PCDHA5: variants seen among roughly 807,000 people sequenced by gnomAD.
PCDHA5 encodes the protein protocadherin alpha-5.
In PCDHA5, 43 loss-of-function variants were observed where a neutral mutation model predicts 61.6. That is an observed-to-expected ratio of 0.70 (90% CI 0.55 to 0.90). The LOEUF (loss-of-function observed/expected upper bound fraction) is 0.90, where lower values mean the gene tolerates loss of function less well. PCDHA5 is among the 40% of genes least tolerant of loss of function. The pLI is 0.00. For missense variants in PCDHA5, 1,298 were observed against 1,222.7 expected (o/e 1.06, Z -0.92); for synonymous variants, 627 against 543.9 (o/e 1.15, Z -2.13).
chr5:140,841,942 G>A (rs782585839), intron 1 of PCDHA5: 15 of 1,613,920 alleles, frequency 9.3e-6, no homozygotes, highest in East Asian at 2.2e-5. Context: ...ACGCTCCTGC[G>A]CACCACTTAT....
Position 140,828,892 on chromosome 5 carries a change from T to C in PCDHA5, c.2352+4765T>C, listed in dbSNP as rs2150160259. ...CAACAGTTATCAGACTGAATGCTTC[T>C]GATCGGGATGAAGGAGCGAATGGGG... is the stretch of plus-strand genomic sequence containing the variant. On this transcript the variant is annotated intron_variant, in intron 1 of 3. Coordinates refer to ENST00000529859, the MANE Select transcript of PCDHA5 (RefSeq NM_018908.3). The C allele has an allele frequency of 1.9e-6, 3 of 1,614,124 alleles. No homozygotes were observed. In the South Asian group the frequency reaches 3.3e-5, roughly 18 times the overall value.
intron 1 of PCDHA5, among the ~76,000 whole-genome samples, chr5:140,905,413 A>T (rs2071819141): frequency 6.6e-6 from 1 of 152,180 alleles, no homozygotes; most frequent in South Asian, 2.1e-4. Flanking sequence ...TTATACCAGT[A>T]CCATGCTGGT....
intron 1 of PCDHA5, among the ~76,000 whole-genome samples, chr5:140,914,843 A>G (rs1269507537): frequency 6.6e-6 from 1 of 152,142 alleles, no homozygotes; most frequent in Non-Finnish European, 1.5e-5. Context: ...CAAACACACA[A>G]AAGGAAGACT....
At position 140,849,556 on chromosome 5, in the gene PCDHA5, C is replaced by G. The variant is rs2150440514; in HGVS notation, c.2352+25429C>G. On this transcript the variant is annotated intron_variant, in intron 1 of 3. Coordinates refer to ENST00000529859, the MANE Select transcript of PCDHA5 (RefSeq NM_018908.3). ...AATGCTCCACAGTTGACTATCAAAA[C>G]GCTCTCGGTTCCTGTAAAAGAGGAC... 3.1e-6 allele frequency: 5 copies of G among 1,598,518 alleles called. 1 individual carries two copies. In the Middle Eastern group the frequency reaches 5.0e-4, roughly 160 times the overall value.
intron 1 of PCDHA5, chr5:140,884,171 C>T (rs781800470): frequency 6.2e-7 from 1 of 1,613,414 alleles, no homozygotes; most frequent in Admixed American, 1.7e-5. Context: ...CAGCACGACG[C>T]GCCCTCTGGA....
chr5:140,977,122 AG>A (rs2096747423), intron 1 of PCDHA5, among the ~76,000 whole-genome samples: 1 of 152,226 alleles, frequency 6.6e-6, no homozygotes, highest in South Asian at 2.1e-4. Flanking sequence ...TAATGAACTG[AG>A]TTTCCTGGTC....
intron 1 of PCDHA5, chr5:140,876,781 G>A: frequency 6.2e-7 from 1 of 1,614,240 alleles, no homozygotes; most frequent in Non-Finnish European, 8.5e-7. Flanking sequence ...TTCGCTGTGG[G>A]CCACGGCTAG....
At chr5:140,850,016 C>T (rs2150463409) in intron 1 of PCDHA5, 1 of 1,596,912 alleles carries the variant, frequency 6.3e-7, no homozygotes, top group Non-Finnish European at 8.6e-7. Context: ...TGTCGAGCTA[C>T]GTGTCAGTGC....
chr5:140,870,825 C>T, intron 1 of PCDHA5: 1 of 1,613,726 alleles, frequency 6.2e-7, no homozygotes, highest in Non-Finnish European at 8.5e-7. Flanking sequence ...GCGCGGGAGG[C>T]GCAGTTAACA....
chr5:140,962,008 C>T (rs1363169601), intron 1 of PCDHA5, among the ~76,000 whole-genome samples: 5 of 152,088 alleles, frequency 3.3e-5, no homozygotes, highest in South Asian at 2.1e-4. Context: ...CTCAGCTTCC[C>T]GAGTAGCTGG....
Position 140,925,879 on chromosome 5 carries a change from C to A in PCDHA5, c.2353-53070C>A, listed in dbSNP as rs138501139. Reference sequence around the variant, plus strand: ...GTTATTGCTATTGACTGGTTTATAACCTCCTCTTTCACCCAGATCGTCAAG... The same window carrying A: ...GTTATTGCTATTGACTGGTTTATAAACTCCTCTTTCACCCAGATCGTCAAG... On this transcript the variant is annotated intron_variant, in intron 1 of 3. Coordinates refer to ENST00000529859, the MANE Select transcript of PCDHA5 (RefSeq NM_018908.3). Among the ~76,000 whole-genome samples, 60 of 152,212 alleles carry A rather than the reference C, an allele frequency of 3.9e-4. No individual in the cohort carries two copies. In the East Asian group the frequency reaches 7.4e-3, roughly 19 times the overall value.
At chr5:140,895,103 T>C (rs1459301220) in intron 1 of PCDHA5, among the ~76,000 whole-genome samples, 3 of 152,204 alleles carry the variant, frequency 2.0e-5, no homozygotes, top group Non-Finnish European at 4.4e-5. Flanking sequence ...GGGTTTTTGC[T>C]ACAAGAAGAC....
chr5:140,828,677 T>C (rs2150157851), intron 1 of PCDHA5: 11 of 1,614,216 alleles, frequency 6.8e-6, no homozygotes, highest in Non-Finnish European at 7.6e-6. Context: ...TGGGCTCTTA[T>C]TAAAGAAATC....
At chr5:140,941,286 CTCTTTCTT>C (rs5871754) in intron 1 of PCDHA5, among the ~76,000 whole-genome samples, 8 of 106,846 alleles carry the variant, frequency 7.5e-5, no homozygotes, top group East Asian at 5.2e-4. Context: ...TCCTTCCTTT[CTCTTTCTT>C]TCTTTCTTTC....
intron 1 of PCDHA5, among the ~76,000 whole-genome samples, chr5:140,965,125 C>A (rs571083058): frequency 6.6e-6 from 1 of 152,308 alleles, no homozygotes; most frequent in Non-Finnish European, 1.5e-5. Context: ...GGAAGATCTA[C>A]AGATGACAGA....
intron 1 of PCDHA5, chr5:140,928,174 C>T (rs2085016971): frequency 1.9e-6 from 3 of 1,614,060 alleles, no homozygotes; most frequent in African/African-American, 1.3e-5. Flanking sequence ...ACTTAGCACC[C>T]GAAGGACAAT....
At chr5:141,008,502 G>A (rs539439181) in intron 3 of PCDHA5, among the ~76,000 whole-genome samples, 2 of 152,110 alleles carry the variant, frequency 1.3e-5, no homozygotes, top group South Asian at 4.2e-4. Context: ...TATACTTTAT[G>A]GTGTGTCTTC....
intron 1 of PCDHA5, among the ~76,000 whole-genome samples, chr5:140,893,800 T>C (rs1483033571): frequency 6.6e-6 from 1 of 152,174 alleles, no homozygotes; most frequent in Non-Finnish European, 1.5e-5. Flanking sequence ...ATTCCCTCCT[T>C]GTCTTGAGTC....
In PCDHA5 at chr5:140,835,236, G is replaced by A. The variant is rs1307272356; in HGVS notation, c.2352+11109G>A. The A allele has an allele frequency of 6.9e-6, 11 of 1,599,722 alleles. 1 individual carries two copies. The highest frequency in any genetic ancestry group is 9.4e-6 in the Non-Finnish European group (11 of 1,173,316). On this transcript the variant is annotated intron_variant, in intron 1 of 3. Coordinates refer to ENST00000529859, the MANE Select transcript of PCDHA5 (RefSeq NM_018908.3). The stretch of plus-strand genomic sequence containing the variant: ...TATTATTTACTCCTTCTCCAGTGAT[G>A]TTTCTCCAGATATAAAATCCAAGTT...
Sources: allele counts gnomAD v4.1 joint callset (sites outside exome capture counted in the v4.1 genomes callset), GRCh38; gene constraint gnomAD v4.1.1; transcripts MANE v1.5; gene names NCBI Gene and HGNC (gene_info 2026-07-23, HGNC 2026-07-21).